Variants in SEZ6L2 observed in about 807,000 individuals in gnomAD.
SEZ6L2 encodes the protein seizure related 6 homolog like 2.
SEZ6L2 carries 44 observed loss-of-function variants against 97.0 expected under a neutral mutation model. The observed-to-expected ratio is 0.45, with a 90% CI of 0.36 to 0.58. The LOEUF is 0.58. SEZ6L2 is among the 20% of genes least tolerant of loss of function. The pLI, the probability that SEZ6L2 is intolerant of heterozygous loss-of-function variation, is 0.00. For synonymous variants in SEZ6L2, 543 were observed against 546.1 expected (o/e 0.99, Z 0.08); for missense variants, 1,086 against 1,233.3 (o/e 0.88, Z 1.79).
intron 9 of SEZ6L2, among the ~76,000 whole-genome samples, chr16:29,878,973 G>A (rs565140824): frequency 6.6e-6 from 1 of 151,858 alleles, no homozygotes; most frequent in South Asian, 2.1e-4. Flanking sequence ...CGCAATCCCG[G>A]CTCACTGCAA....
Position 29,895,449 on chromosome 16 carries a change from C to T in SEZ6L2, c.663G>A (p.Leu221=), listed in dbSNP as rs1178309088. 6.2e-7 allele frequency: 1 copy of T among 1,613,990 alleles called. No homozygotes were observed. Among genetic ancestry groups the T allele is most frequent in the South Asian group, 1.1e-5 (1 of 91,082 alleles). The change falls in exon 5 of 18, where the codon CTG becomes CTA. Residue 221 remains leucine, a synonymous_variant. Transcript: ENST00000617533. ...GYGIEIQVQT[L]NLSQEEELLV... is the part of the protein sequence containing the mutation. ...GGAGCTCCTCTTCCTGTGACAGGTT[C>T]AGCGTCTGCACCTAGAGAAGCCAGA...
At position 29,876,757 on chromosome 16, in the gene SEZ6L2, C is replaced by G; in HGVS notation, c.2103G>C (p.Lys701Asn). The change falls in exon 12 of 18, where the codon AAG becomes AAC. Residue 701 changes from lysine to asparagine, a missense_variant and splice_region_variant. Physicochemically the swap from Lys to Asn is moderately conservative, Grantham distance 94 (BLOSUM62 0). This residue lies in a region of SEZ6L2 where 310 missense variants were observed against 438.6 expected (regional missense o/e 0.71). Transcript: ENST00000617533. The surrounding 1 kb of genome is among the most constrained non-coding windows in gnomAD (Gnocchi z 6.5). ...SWSAAPPACQKIMTCADPGEI... is the reference protein window; with the variant it reads ...SWSAAPPACQNIMTCADPGEI... ...GGGACGCGGGCGGGGCCGGCTCACT[C>G]TTTTGGCAGGCGGGCGGCGCGGCGC... 1.3e-6 allele frequency: 2 copies of G among 1,545,676 alleles called. No homozygotes were observed. Among genetic ancestry groups the G allele is most frequent in the Non-Finnish European group, 1.7e-6 (2 of 1,143,078 alleles).
At chr16:29,895,974 T>C in intron 3 of SEZ6L2, 114 bp from the exon 4 acceptor site, 1 of 1,193,402 alleles carries the variant, frequency 8.4e-7, no homozygotes, top group Non-Finnish European at 1.1e-6. Context: ...ATCTTTTTGT[T>C]TTGTTTGAGA....
chr16:29,876,772 C>T lies in SEZ6L2; in HGVS notation c.2088G>A (p.Pro696=). ...CQWDLSWSAA[P]PACQKIMTCA... Reference sequence around the variant, plus strand: ...CCGGCTCACTCTTTTGGCAGGCGGGCGGCGCGGCGCTCCAAGACAGGTCCC... The same window carrying T: ...CCGGCTCACTCTTTTGGCAGGCGGGTGGCGCGGCGCTCCAAGACAGGTCCC... The change falls in exon 12 of 18, where the codon CCG becomes CCA. Residue 696 remains proline, a synonymous_variant. Transcript: ENST00000617533. This position sits in a 1 kb window ranked among gnomAD's most constrained non-coding sequence, Gnocchi z 6.5. 6.4e-7 allele frequency: 1 copy of T among 1,551,840 alleles called. No homozygotes were observed. The highest frequency in any genetic ancestry group is 8.7e-7 in the Non-Finnish European group (1 of 1,147,500).
intron 8 of SEZ6L2, among the ~76,000 whole-genome samples, chr16:29,881,842 C>T (rs1226974355): frequency 2.0e-5 from 3 of 146,412 alleles, no homozygotes; most frequent in Non-Finnish European, 3.0e-5. Flanking sequence ...GTTGGCCAGG[C>T]TGGTCTCGAA....
chr16:29,885,724 G>A lies in SEZ6L2; in HGVS notation c.1234C>T (p.Pro412Ser). 2 of 1,612,854 alleles carry A rather than the reference G, an allele frequency of 1.2e-6. No individual in the cohort carries two copies. Among genetic ancestry groups the A allele is most frequent in the East Asian group, 2.2e-5 (1 of 44,826 alleles). Reference protein sequence around the residue: ...DRLMVRSGGSPLSPVIYDSDM... With the variant: ...DRLMVRSGGSSLSPVIYDSDM... ...GAATCATAGATCACGGGGGATAGGG[G>A]GCTGCCCCCTGAGCGCACCATCAGC... is the stretch of plus-strand genomic sequence containing the variant. Residue 412 changes from proline (P) to serine (S), a missense_variant, in exon 8 of 18, where the codon CCC becomes TCC. Transcript: ENST00000617533.
intron 5 of SEZ6L2, among the ~76,000 whole-genome samples, chr16:29,894,758 G>A (rs1053337388): frequency 5.3e-5 from 8 of 152,126 alleles, no homozygotes; most frequent in African/African-American, 1.9e-4. Context: ...TCCCTCGGAT[G>A]TGTGCACAGA....
At chr16:29,898,131 G>A (rs370236756) in intron 1 of SEZ6L2, 147 bp from the exon 2 acceptor site, 36 of 1,161,508 alleles carry the variant, frequency 3.1e-5, no homozygotes, top group African/African-American at 9.4e-5. Context: ...GGCCAAGATC[G>A]GAGGAGGGGC....
intron 3 of SEZ6L2, 53 bp downstream of exon 3, chr16:29,896,769 C>T: frequency 6.5e-7 from 1 of 1,530,018 alleles, no homozygotes; most frequent in Non-Finnish European, 9.0e-7. Flanking sequence ...CCATCCATCC[C>T]CAGCGTGTAC....
At chr16:29,893,517 G>A (rs995921714) in intron 5 of SEZ6L2, among the ~76,000 whole-genome samples, 25 of 151,620 alleles carry the variant, frequency 1.6e-4, no homozygotes, top group African/African-American at 4.1e-4. Context: ...CGTAGTGGCA[G>A]GTGCCTGTAA....
intron 11 of SEZ6L2, 106 bp downstream of exon 11, chr16:29,877,165 C>T: frequency 7.7e-7 from 1 of 1,305,352 alleles, no homozygotes; most frequent in African/African-American, 1.5e-5. Flanking sequence ...CCGCCTCGGC[C>T]TCCCAAGGCC....
At chr16:29,885,064 C>T (rs1381123198) in intron 8 of SEZ6L2, among the ~76,000 whole-genome samples, 1 of 148,062 alleles carries the variant, frequency 6.8e-6, no homozygotes, top group African/African-American at 2.5e-5. Flanking sequence ...AAAAATTAGT[C>T]GGGCGCGGTG....
In SEZ6L2 at chr16:29,872,438, G is replaced by A. The variant is rs369459225; in HGVS notation, c.2616C>T (p.Leu872=). The change falls in exon 16 of 18, where the codon CTC becomes CTT. Residue 872 remains leucine (L), a synonymous_variant. Coordinates refer to ENST00000617533, the MANE Select transcript of SEZ6L2 (RefSeq NM_001243332.2). ...TGTAGTAGATGTAAACGCCACTGCC[G>A]AGGACAATGACCAAGCCTAGAGGCA... ...ILLPLGLVIV[L]GSGVYIYYTK... 1.1e-4 allele frequency: 184 copies of A among 1,614,066 alleles called. No individual in the cohort carries two copies. Among genetic ancestry groups the A allele is most frequent in the Middle Eastern group, 1.6e-4 (1 of 6,084 alleles).
chr16:29,899,089 C>G lies in SEZ6L2; in HGVS notation c.-70G>C. On this transcript the variant is annotated 5_prime_UTR_variant, in exon 1 of 18. Transcript: ENST00000617533. Reference sequence around the variant, plus strand: ...CTGGCTGCCACCTTTCCTCCGTCTCCGTTTATCTTTCCCTTTAATTGTTTT... The same window carrying G: ...CTGGCTGCCACCTTTCCTCCGTCTCGGTTTATCTTTCCCTTTAATTGTTTT... 1.0e-6 allele frequency: 1 copy of G among 965,306 alleles called. No homozygotes were observed. The highest frequency in any genetic ancestry group is 1.6e-6 in the Non-Finnish European group (1 of 643,042). 59.8% of individuals were successfully genotyped at this position (965,306 alleles called of 1,614,324 possible).
chr16:29,890,501 G>A (rs2068248448), intron 5 of SEZ6L2, among the ~76,000 whole-genome samples: 1 of 152,080 alleles, frequency 6.6e-6, no homozygotes, highest in South Asian at 2.1e-4. Context: ...CAGGTTCAGG[G>A]TTGATCTCCC....
rs545967635 is a variant in SEZ6L2 at position 29,888,696 on chromosome 16, G to T, written c.883C>A (p.Arg295=). The T allele has an allele frequency of 6.2e-7, 1 of 1,613,220 alleles. No individual in the cohort carries two copies. Among genetic ancestry groups the T allele is most frequent in the Non-Finnish European group, 8.5e-7 (1 of 1,179,682 alleles). Residue 295 remains arginine (R), a synonymous_variant, in exon 6 of 18, where the codon CGG becomes AGG. Transcript: ENST00000617533. ...AYLLSCGFPP[R]PAHGDVSVTD... ...ACACTCACGTCCCCATGGGCCGGCC[G>T]GGGAGGGAAGCCACAGCTCAGGAGG...
At chr16:29,882,964 C>A (rs1384816237) in intron 8 of SEZ6L2, among the ~76,000 whole-genome samples, 3 of 152,194 alleles carry the variant, frequency 2.0e-5, no homozygotes, top group Non-Finnish European at 4.4e-5. Context: ...TCACAACTTG[C>A]TATTTTCGGT....
In SEZ6L2 at chr16:29,878,422, A is replaced by G. The variant is rs946440716; in HGVS notation, c.1577T>C (p.Met526Thr). The change falls in exon 10 of 18, where the codon ATG (methionine) becomes ACG (threonine). Residue 526 changes from methionine to threonine, a missense_variant. Physicochemically the swap from Met to Thr is moderately conservative, Grantham distance 81 (BLOSUM62 -1). Around this residue, in one of 2 missense-constraint regions of SEZ6L2, gnomAD observed 776 missense variants for 794.7 expected, o/e 0.98. Transcript: ENST00000617533. ...WNDTEPACKA[M>T]CGGELSEPAG... ...TGGTTCCGACAGCTCCCCTCCACACATGGCTAGGGAAAAAGGGGTGTCAGG... is the reference window on the plus strand; with the variant it reads ...TGGTTCCGACAGCTCCCCTCCACACGTGGCTAGGGAAAAAGGGGTGTCAGG... The G allele has an allele frequency of 3.8e-6, 6 of 1,594,074 alleles. No homozygotes were observed. The African/African-American group carries it at 6.7e-5, about 18-fold the overall frequency.
chr16:29,877,201 C>G (rs1052112897), intron 11 of SEZ6L2, 70 bp downstream of exon 11: 11 of 1,445,328 alleles, frequency 7.6e-6, no homozygotes, highest in Non-Finnish European at 1.0e-5. Flanking sequence ...TGAGCCACCA[C>G]GACCGGCCAC....
Sources: allele counts gnomAD v4.1 joint callset (sites outside exome capture counted in the v4.1 genomes callset), GRCh38; gene constraint gnomAD v4.1.1; regional missense constraint gnomAD v4.1.1; non-coding constraint Gnocchi (gnomAD v3.1); transcripts MANE v1.5; gene names NCBI Gene and HGNC (gene_info 2026-07-23, HGNC 2026-07-21).